Variants in XIRP2 observed in about 807,000 individuals in gnomAD.
XIRP2 encodes xin actin binding repeat containing 2, also known as xin actin-binding repeat-containing protein 2.
XIRP2 carries 236 observed loss-of-function variants against 277.0 expected under a neutral mutation model. The ratio of observed to expected loss-of-function variants is 0.85; its 90% CI spans 0.77 to 0.95. The LOEUF (loss-of-function observed/expected upper bound fraction) is 0.95, where lower values mean the gene tolerates loss of function less well. Among genes scored for constraint, XIRP2 ranks in the 40% least tolerant of loss-of-function variants. The pLI is 0.00. For missense variants in XIRP2, 4,640 were observed against 4,157.5 expected, an observed-to-expected ratio of 1.12 and a Z score of -3.19; for synonymous variants, 1,490 against 1,416.5, an observed-to-expected ratio of 1.05 and a Z score of -1.17.
At chr2:167,036,552 G>T (rs1688511987) in intron 2 of XIRP2, among the ~76,000 whole-genome samples, 1 of 152,080 alleles carries the variant, frequency 6.6e-6, no homozygotes, top group Non-Finnish European at 1.5e-5. Flanking sequence ...GGAGTAACTA[G>T]CTTGCTTTGA....
Position 167,092,045 on chromosome 2 carries a change from C to T in XIRP2, c.409-43864C>T, listed in dbSNP as rs576258667. Among the ~76,000 whole-genome samples the T allele has an allele frequency of 3.3e-5, 5 of 152,230 alleles. No individual in the cohort carries two copies. In the East Asian group the frequency reaches 9.7e-4, roughly 29 times the overall value. ...GTGAAGAAGGGAACCAAGAGTTCAG[C>T]ACAACTTTTAAAACTTTCTAATGCC... On this transcript the variant is annotated intron_variant, in intron 2 of 10. Coordinates refer to ENST00000409195, the MANE Select transcript of XIRP2 (RefSeq NM_152381.6).
At chr2:167,164,630 A>G (rs1692469975) in intron 3 of XIRP2, among the ~76,000 whole-genome samples, 1 of 152,154 alleles carries the variant, frequency 6.6e-6, no homozygotes, top group African/African-American at 2.4e-5. Context: ...ACTCAAATTT[A>G]CTCCATGAAT....
chr2:167,249,186 A>G lies in XIRP2; in HGVS notation c.7794A>G (p.Leu2598=). ...PLQKTNEEVS[L]SGIDSECTVV... is the part of the protein sequence containing the mutation. ...AAAAAACCAATGAGGAGGTTTCCCT[A>G]TCTGGAATTGATTCAGAATGCACTG... The change falls in exon 9 of 11, where the codon CTA becomes CTG. Residue 2598 remains leucine, a synonymous_variant. Transcript: ENST00000409195. 1 of 1,613,708 alleles carries G rather than the reference A, an allele frequency of 6.2e-7. No homozygotes were observed.
chr2:167,208,452 C>G (rs570877626), intron 3 of XIRP2, among the ~76,000 whole-genome samples: 1 of 152,114 alleles, frequency 6.6e-6, no homozygotes, highest in Non-Finnish European at 1.5e-5. Context: ...GGACTACAGG[C>G]GCCCGCCACC....
chr2:167,248,293 A>C lies in XIRP2; in HGVS notation c.6901A>C (p.Asn2301His), dbSNP rs1695347283. 6.2e-7 allele frequency: 1 copy of C among 1,613,472 alleles called. No homozygotes were observed. Among genetic ancestry groups the C allele is most frequent in the African/African-American group, 1.3e-5 (1 of 74,824 alleles). ...PPSPPPPPPSNASSEIEFPLP... is the reference protein window; with the variant it reads ...PPSPPPPPPSHASSEIEFPLP... ...ATCTCCACCTCCTCCACCACCTTCT[A>C]ATGCATCATCTGAAATTGAATTTCC... The change falls in exon 9 of 11, where the codon AAT (asparagine) becomes CAT (histidine). Residue 2301 changes from asparagine (N) to histidine (H), a missense_variant. Coordinates refer to ENST00000409195, the MANE Select transcript of XIRP2 (RefSeq NM_152381.6).
intron 3 of XIRP2, among the ~76,000 whole-genome samples, chr2:167,201,232 A>AAGGG (rs1559018221): frequency 9.3e-6 from 1 of 107,556 alleles, no homozygotes; most frequent in African/African-American, 5.5e-5. Context: ...GAAAGAAAGA[A>AAGGG]AGAAAGAAAG....
chr2:167,247,718 A>T lies in XIRP2; in HGVS notation c.6326A>T (p.Asp2109Val). ...DRAVRELKKD[D>V]VFNSIQSAGK... Reference sequence around the variant, plus strand: ...GCAGTGAGAGAGCTGAAGAAGGATGATGTCTTTAATTCCATCCAATCTGCT... The same window carrying T: ...GCAGTGAGAGAGCTGAAGAAGGATGTTGTCTTTAATTCCATCCAATCTGCT... The change falls in exon 9 of 11, where the codon GAT (aspartate) becomes GTT (valine). Residue 2109 changes from aspartate (D) to valine (V), a missense_variant. Coordinates refer to ENST00000409195, the MANE Select transcript of XIRP2 (RefSeq NM_152381.6). 1 of 1,613,680 alleles carries T rather than the reference A, an allele frequency of 6.2e-7. No individual in the cohort carries two copies. The highest frequency in any genetic ancestry group is 1.1e-5 in the South Asian group (1 of 91,082).
rs7582667 is a variant in XIRP2 at position 167,205,842 on chromosome 2, A to G, written c.563-4893A>G. ...AATACTTTTAGTTATAAATAAATAA[A>G]TACAACCATTTTTATGTCTACCTTA... is the stretch of plus-strand genomic sequence containing the variant. On this transcript the variant is annotated intron_variant, in intron 3 of 10. Transcript: ENST00000409195. Among the ~76,000 whole-genome samples, 1,240 of 151,914 alleles carry G rather than the reference A, an allele frequency of 8.2e-3. 20 individuals carry two copies. Among genetic ancestry groups the G allele is most frequent in the African/African-American group, 0.028 (1,167 of 41,548 alleles).
At chr2:166,951,978 G>T (rs949478387) in intron 2 of XIRP2, among the ~76,000 whole-genome samples, 1 of 152,022 alleles carries the variant, frequency 6.6e-6, no homozygotes, top group Non-Finnish European at 1.5e-5. Context: ...GTGGCTTTGT[G>T]TAGGCCATTT....
chr2:166,895,441 C>G (rs1200136420), intron 1 of XIRP2, among the ~76,000 whole-genome samples: 1 of 152,126 alleles, frequency 6.6e-6, no homozygotes, highest in Admixed American at 6.6e-5. Flanking sequence ...ATTGCTCCCC[C>G]AGGTGGATAA....
At chr2:167,148,856 A>G (rs2105329761) in intron 3 of XIRP2, among the ~76,000 whole-genome samples, 1 of 152,310 alleles carries the variant, frequency 6.6e-6, no homozygotes, top group South Asian at 2.1e-4. Flanking sequence ...GACTGAGAAC[A>G]AAGTGAAAGT....
chr2:167,089,232 C>G (rs1332137134), intron 2 of XIRP2, among the ~76,000 whole-genome samples: 1 of 152,110 alleles, frequency 6.6e-6, no homozygotes, highest in African/African-American at 2.4e-5. Flanking sequence ...TAGGGTATCA[C>G]TTTTCCAATA....
chr2:167,241,161 T>C (rs1041252701), intron 7 of XIRP2, among the ~76,000 whole-genome samples: 1 of 152,162 alleles, frequency 6.6e-6, no homozygotes, highest in Non-Finnish European at 1.5e-5. Context: ...GCCAAATTTC[T>C]GCAAGTTTGC....
Position 167,237,660 on chromosome 2 carries a change from C to A in XIRP2, c.859-2195C>A, listed in dbSNP as rs145622479. The stretch of plus-strand genomic sequence containing the variant: ...CTGTGTGGGCCAAATAAAGCACATC[C>A]CCAGGCCTCAGCGGGCATGTAGGCC... On this transcript the variant is annotated intron_variant, in intron 5 of 10. Transcript: ENST00000409195. 5.3e-3 allele frequency among the ~76,000 whole-genome samples: 800 copies of A among 152,240 alleles called. 9 individuals carry two copies. Among genetic ancestry groups the A allele is most frequent in the African/African-American group, 0.018 (740 of 41,538 alleles).
chr2:166,947,183 A>G (rs892178087), intron 2 of XIRP2, among the ~76,000 whole-genome samples: 2 of 152,210 alleles, frequency 1.3e-5, no homozygotes, highest in Non-Finnish European at 2.9e-5. Flanking sequence ...GGTGGCATTT[A>G]AAACACTTTT....
chr2:167,046,733 T>C (rs1688797743), intron 2 of XIRP2, among the ~76,000 whole-genome samples: 1 of 151,872 alleles, frequency 6.6e-6, no homozygotes, highest in African/African-American at 2.4e-5. Context: ...GGAGTACACA[T>C]GGACACAAAG....
At chr2:167,149,131 C>G (rs2105329981) in intron 3 of XIRP2, among the ~76,000 whole-genome samples, 1 of 152,134 alleles carries the variant, frequency 6.6e-6, no homozygotes, top group East Asian at 1.9e-4. Context: ...TTTTATCTCC[C>G]AGGAATTCCT....
At position 167,026,371 on chromosome 2, in the gene XIRP2, C is replaced by G. The variant is rs1021634495; in HGVS notation, c.409-109538C>G. ...TGTCTCTGCACGTGAGATGGGTTTC[C>G]TGAATACAGCACACTGAAGGGTCTT... On this transcript the variant is annotated intron_variant, in intron 2 of 10. Coordinates refer to ENST00000409195, the MANE Select transcript of XIRP2 (RefSeq NM_152381.6). 3.3e-5 allele frequency among the ~76,000 whole-genome samples: 5 copies of G among 152,182 alleles called. No homozygotes were observed. The East Asian group carries it at 9.7e-4, about 29-fold the overall frequency.
chr2:166,903,343 G>T, intron 1 of XIRP2, 122 bp from the exon 2 acceptor site: 2 of 917,184 alleles, frequency 2.2e-6, no homozygotes, highest in Non-Finnish European at 3.2e-6. Flanking sequence ...AATTGTATAG[G>T]AAAGCTGGAT....
Sources: allele counts gnomAD v4.1 joint callset (sites outside exome capture counted in the v4.1 genomes callset), GRCh38; gene constraint gnomAD v4.1.1; transcripts MANE v1.5; gene names NCBI Gene and HGNC (gene_info 2026-07-23, HGNC 2026-07-21).